Variants in PRIM2 observed in about 807,000 individuals in gnomAD.
PRIM2 encodes DNA primase subunit 2.
In PRIM2, 39 loss-of-function variants were observed where a neutral mutation model predicts 67.3. That is an observed-to-expected ratio of 0.58 (90% CI 0.45 to 0.76). The LOEUF is 0.76. Among genes scored for constraint, PRIM2 ranks in the 30% least tolerant of loss-of-function variants. The pLI, the probability that PRIM2 is intolerant of heterozygous loss-of-function variation, is 0.00. For missense variants in PRIM2, 398 were observed against 598.7 expected, an observed-to-expected ratio of 0.66 and a Z score of 3.50; for synonymous variants, 143 against 198.7, an observed-to-expected ratio of 0.72 and a Z score of 2.36.
At position 57,547,468 on chromosome 6, in the gene PRIM2, C is replaced by T. The variant is rs1488888581; in HGVS notation, c.1020+9843C>T. ...GCTCGATGTTTAGCTCCCACTTATA[C>T]GTGACAGCATGCACAAACCTCTATT... On this transcript the variant is annotated intron_variant, in intron 10 of 13. Coordinates refer to ENST00000615550, the MANE Select transcript of PRIM2 (RefSeq NM_000947.5). Among the ~76,000 whole-genome samples, 8 of 152,276 alleles carry T rather than the reference C, an allele frequency of 5.3e-5. No individual in the cohort carries two copies. In the East Asian group the frequency reaches 9.6e-4, roughly 18 times the overall value.
At chr6:57,516,635 T>C (rs1774493636) in intron 8 of PRIM2, among the ~76,000 whole-genome samples, 1 of 152,196 alleles carries the variant, frequency 6.6e-6, no homozygotes, top group Admixed American at 6.5e-5. Context: ...TAGTAGACTT[T>C]GTAATGAGGT....
chr6:57,447,641 C>T (rs945154445), intron 7 of PRIM2, among the ~76,000 whole-genome samples: 6 of 151,998 alleles, frequency 3.9e-5, no homozygotes, highest in African/African-American at 9.7e-5. Flanking sequence ...GGTAAGATAC[C>T]GTAATAGAAG....
At chr6:57,589,837 G>A (rs1310150305) in intron 10 of PRIM2, among the ~76,000 whole-genome samples, 4 of 152,072 alleles carry the variant, frequency 2.6e-5, no homozygotes, top group Non-Finnish European at 5.9e-5. Flanking sequence ...GGGAGAAGCA[G>A]GATTAAACAG....
At chr6:57,427,967 A>T (rs1239231539) in intron 7 of PRIM2, among the ~76,000 whole-genome samples, 1 of 152,160 alleles carries the variant, frequency 6.6e-6, no homozygotes, top group Non-Finnish European at 1.5e-5. Context: ...TTAAATTTGC[A>T]TGGAAAACTC....
At chr6:57,406,674 A>G (rs7751697) in intron 7 of PRIM2, among the ~76,000 whole-genome samples, 2 of 152,110 alleles carry the variant, frequency 1.3e-5, no homozygotes, top group Non-Finnish European at 2.9e-5. Flanking sequence ...GAGAATAACA[A>G]GCTTGGTTTC....
Position 57,350,235 on chromosome 6 carries a change from A to G in PRIM2, c.459+24190A>G, listed in dbSNP as rs58750697. ...AAGGTGCCTTTTTTTCTGAGCTTGT[A>G]CTGTTGATATAGTGAGGTTTCTGGT... On this transcript the variant is annotated intron_variant, in intron 5 of 13. Transcript: ENST00000615550. Among the ~76,000 whole-genome samples the G allele has an allele frequency of 2.9e-3, 440 of 152,260 alleles. 2 individuals are homozygous for G. Among genetic ancestry groups the G allele is most frequent in the African/African-American group, 0.01 (424 of 41,542 alleles).
At chr6:57,422,777 C>A (rs1771509001) in intron 7 of PRIM2, among the ~76,000 whole-genome samples, 1 of 151,826 alleles carries the variant, frequency 6.6e-6, no homozygotes, top group African/African-American at 2.4e-5. Flanking sequence ...TTTTTCCCCA[C>A]ATGCAGCAGA....
At chr6:57,426,901 C>A (rs1237835478) in intron 7 of PRIM2, among the ~76,000 whole-genome samples, 3 of 152,046 alleles carry the variant, frequency 2.0e-5, no homozygotes, top group African/African-American at 7.2e-5. Flanking sequence ...CTTTGTTAAG[C>A]CAAAGCTATG....
At position 57,638,884 on chromosome 6, in the gene PRIM2, A is replaced by G. The variant is rs1482029834; in HGVS notation, c.1299+6683A>G. On this transcript the variant is annotated intron_variant, in intron 13 of 13. Transcript: ENST00000615550. ...ATTAACAAGGATATTCTGGACTTCAACTCAGCTCTGGACCAAGTGGACCTA... is the reference window on the plus strand; with the variant it reads ...ATTAACAAGGATATTCTGGACTTCAGCTCAGCTCTGGACCAAGTGGACCTA... 7.9e-5 allele frequency among the ~76,000 whole-genome samples: 12 copies of G among 152,270 alleles called. No homozygotes were observed. The East Asian group carries it at 2.3e-3, about 29-fold the overall frequency.
intron 7 of PRIM2, among the ~76,000 whole-genome samples, chr6:57,478,335 TTG>T (rs1231083763): frequency 1.6e-5 from 2 of 126,290 alleles, no homozygotes; most frequent in East Asian, 4.5e-4. Context: ...TGTTTTTTTT[TTG>T]TTTTTTTTTT....
chr6:57,226,217 G>A, the PRIM2 span, among the ~76,000 whole-genome samples: 1 of 152,168 alleles, frequency 6.6e-6, no homozygotes, highest in African/African-American at 2.4e-5. Context: ...ACAAATAAGT[G>A]ATTACATACC....
the PRIM2 span, among the ~76,000 whole-genome samples, chr6:57,308,482 C>G: frequency 5.3e-3 from 808 of 152,188 alleles, 6 homozygotes; most frequent in Non-Finnish European, 6.8e-3. Flanking sequence ...GATATTGCCA[C>G]GAATGTTCTT....
At chr6:57,321,553 T>C (rs1248201104) in intron 3 of PRIM2, among the ~76,000 whole-genome samples, 2 of 151,760 alleles carry the variant, frequency 1.3e-5, no homozygotes, top group African/African-American at 4.8e-5. Flanking sequence ...ATTGGAGGAA[T>C]TTGGGAAGGA....
chr6:57,432,392 T>C (rs1370065920), intron 7 of PRIM2, among the ~76,000 whole-genome samples: 2 of 151,666 alleles, frequency 1.3e-5, no homozygotes, highest in Non-Finnish European at 2.9e-5. Flanking sequence ...GAATGAGAAA[T>C]CTGGGAGGCA....
At chr6:57,527,500 T>C (rs1247311973) in intron 8 of PRIM2, among the ~76,000 whole-genome samples, 1 of 152,224 alleles carries the variant, frequency 6.6e-6, no homozygotes, top group Non-Finnish European at 1.5e-5. Context: ...CTCTCACCTT[T>C]CCTCGCCTGG....
intron 10 of PRIM2, among the ~76,000 whole-genome samples, chr6:57,600,336 GATTATTATTATTATTATT>G (rs1190863948): frequency 6.8e-6 from 1 of 146,422 alleles, no homozygotes; most frequent in East Asian, 2.0e-4. Context: ...CAGAGGAAGG[GATTATTATTATTATTATT>G]ATTATTATTA....
chr6:57,340,722 G>T (rs1375565207), intron 5 of PRIM2, among the ~76,000 whole-genome samples: 1 of 152,100 alleles, frequency 6.6e-6, no homozygotes, highest in Non-Finnish European at 1.5e-5. Flanking sequence ...GGGGGTAGGG[G>T]TGAGGGATAG....
rs77401118 is a variant in PRIM2 at position 57,437,662 on chromosome 6, C to T, written c.693+55494C>T. Among the ~76,000 whole-genome samples the T allele has an allele frequency of 5.5e-5, 7 of 128,334 alleles. No homozygotes were observed. The East Asian group carries it at 6.8e-4, about 12-fold the overall frequency. 84.2% of individuals were successfully genotyped at this position (128,334 alleles called of 152,430 possible). ...TAACAAAGATCCTTGGGAAGGATTC[C>T]TTTTTTTTTTTTTTTTTTTTTAAGA... On this transcript the variant is annotated intron_variant, in intron 7 of 13. Transcript: ENST00000615550.
At chr6:57,345,630 C>A (rs536806601) in intron 5 of PRIM2, among the ~76,000 whole-genome samples, 7 of 152,176 alleles carry the variant, frequency 4.6e-5, no homozygotes, top group Admixed American at 2.6e-4. Flanking sequence ...GAAAGGGGTT[C>A]TGATCCAGAC....
Sources: allele counts gnomAD v4.1 joint callset (sites outside exome capture counted in the v4.1 genomes callset), GRCh38; gene constraint gnomAD v4.1.1; transcripts MANE v1.5; gene names NCBI Gene and HGNC (gene_info 2026-07-23, HGNC 2026-07-21).